Variants in PTPRM observed in about 807,000 individuals in gnomAD.
PTPRM encodes receptor-type tyrosine-protein phosphatase mu.
PTPRM carries 47 observed loss-of-function variants against 186.7 expected under a neutral mutation model. That is an observed-to-expected ratio of 0.25 (90% CI 0.20 to 0.32). PTPRM has a LOEUF of 0.32. Among genes scored for constraint, PTPRM ranks in the 10% least tolerant of loss-of-function variants. The pLI is 1.00. For missense variants in PTPRM, 1,494 were observed against 1,865.0 expected, an observed-to-expected ratio of 0.80 and a Z score of 3.66; for synonymous variants, 668 against 674.9, an observed-to-expected ratio of 0.99 and a Z score of 0.16.
At chr18:8,351,804 A>G (rs1598403913) in intron 23 of PTPRM, among the ~76,000 whole-genome samples, 2 of 152,312 alleles carry the variant, frequency 1.3e-5, no homozygotes, top group East Asian at 3.9e-4. Flanking sequence ...CCCCCAGCAC[A>G]TCAGCCAAGA....
chr18:8,069,109 CAAAAAAAAAAAA>C (rs71165767), intron 7 of PTPRM, among the ~76,000 whole-genome samples: 1 of 78,620 alleles, frequency 1.3e-5, no homozygotes. Context: ...GACTCCGTCT[CAAAAAAAAAAAA>C]AAAAAAAAAA....
intron 7 of PTPRM, among the ~76,000 whole-genome samples, chr18:8,001,858 A>G (rs996950231): frequency 1.3e-5 from 2 of 152,200 alleles, no homozygotes; most frequent in African/African-American, 4.8e-5. Flanking sequence ...TGAACACATC[A>G]TATTCTACCA....
intron 1 of PTPRM, among the ~76,000 whole-genome samples, chr18:7,679,375 C>T (rs1163184945): frequency 6.6e-6 from 1 of 152,064 alleles, no homozygotes; most frequent in Admixed American, 6.5e-5. Context: ...GATAATTGGG[C>T]ATACTGGGCT....
chr18:7,779,789 C>T (rs1762758895), intron 2 of PTPRM, among the ~76,000 whole-genome samples: 1 of 152,218 alleles, frequency 6.6e-6, no homozygotes, highest in South Asian at 2.1e-4. Context: ...TCTTTCAAAT[C>T]AGTCAACATT....
intron 13 of PTPRM, among the ~76,000 whole-genome samples, chr18:8,124,389 T>G (rs1018997933): frequency 6.6e-6 from 1 of 152,228 alleles, no homozygotes; most frequent in African/African-American, 2.4e-5. Context: ...TTTAAGGGAT[T>G]TATTCATGAG....
intron 2 of PTPRM, among the ~76,000 whole-genome samples, chr18:7,816,341 A>G (rs949411232): frequency 1.1e-4 from 16 of 152,222 alleles, no homozygotes; most frequent in Admixed American, 3.9e-4. Flanking sequence ...TCTCTTGCAT[A>G]TAACCTAGAA....
At chr18:7,782,047 A>T (rs1252000928) in intron 2 of PTPRM, among the ~76,000 whole-genome samples, 1 of 152,222 alleles carries the variant, frequency 6.6e-6, no homozygotes, top group Non-Finnish European at 1.5e-5. Flanking sequence ...AAAGCAAAAT[A>T]AATTGGACTG....
chr18:7,641,358 C>T (rs879867444), intron 1 of PTPRM, among the ~76,000 whole-genome samples: 4 of 151,988 alleles, frequency 2.6e-5, no homozygotes, highest in Non-Finnish European at 5.9e-5. Context: ...CAGAAATACC[C>T]ATAATATTAA....
At chr18:8,144,412 A>G (rs984652039) in intron 14 of PTPRM, among the ~76,000 whole-genome samples, 1 of 152,168 alleles carries the variant, frequency 6.6e-6, no homozygotes, top group Non-Finnish European at 1.5e-5. Context: ...ACTTTATCCC[A>G]GGAGTTCGAG....
chr18:7,666,133 C>T (rs544377524), intron 1 of PTPRM, among the ~76,000 whole-genome samples: 1 of 152,226 alleles, frequency 6.6e-6, no homozygotes, highest in African/African-American at 2.4e-5. Context: ...AGACTTGAGG[C>T]AAAGCTATTG....
intron 20 of PTPRM, among the ~76,000 whole-genome samples, chr18:8,297,787 C>T (rs149666566): frequency 1.0e-3 from 155 of 152,302 alleles, no homozygotes; most frequent in African/African-American, 3.6e-3. Flanking sequence ...GCTTTCCCTC[C>T]GGCCATCAAG....
At chr18:7,677,202 A>G (rs16952326) in intron 1 of PTPRM, among the ~76,000 whole-genome samples, 16,314 of 152,276 alleles carry the variant, frequency 0.11, 1,718 homozygotes, top group East Asian at 0.49. Context: ...GATGGTATAC[A>G]TATTTCTTAC....
chr18:8,305,482 T>A (rs1486318147), intron 20 of PTPRM, among the ~76,000 whole-genome samples: 1 of 152,202 alleles, frequency 6.6e-6, no homozygotes, highest in Non-Finnish European at 1.5e-5. Flanking sequence ...ATATAGGCAG[T>A]ATTGTTATTC....
intron 20 of PTPRM, among the ~76,000 whole-genome samples, chr18:8,305,765 A>G (rs2095214852): frequency 6.6e-6 from 1 of 152,204 alleles, no homozygotes; most frequent in Admixed American, 6.5e-5. Context: ...CTCTTCCCTG[A>G]AAGATTGGCT....
At chr18:8,037,266 T>G (rs997051668) in intron 7 of PTPRM, among the ~76,000 whole-genome samples, 1 of 152,216 alleles carries the variant, frequency 6.6e-6, no homozygotes, top group Non-Finnish European at 1.5e-5. Flanking sequence ...GCACATCTTT[T>G]TCTCATCCAC....
At chr18:8,372,325 C>A (rs547839504) in intron 24 of PTPRM, among the ~76,000 whole-genome samples, 9 of 144,090 alleles carry the variant, frequency 6.2e-5, no homozygotes, top group African/African-American at 2.4e-4. Context: ...CCACCCGCCT[C>A]GGCCTCCCAA....
intron 7 of PTPRM, among the ~76,000 whole-genome samples, chr18:8,006,890 T>G (rs868835234): frequency 1.3e-5 from 2 of 152,232 alleles, no homozygotes; most frequent in Admixed American, 6.5e-5. Flanking sequence ...TCTGAAGTCT[T>G]ATTTTAGGAA....
chr18:8,393,278 T>C (rs2095826575), intron 31 of PTPRM, among the ~76,000 whole-genome samples: 1 of 152,232 alleles, frequency 6.6e-6, no homozygotes, highest in African/African-American at 2.4e-5. Context: ...CACGGCCTTG[T>C]TTCCAGTCAT....
At chr18:8,141,535 C>A (rs1367144158) in intron 13 of PTPRM, among the ~76,000 whole-genome samples, 2 of 152,192 alleles carry the variant, frequency 1.3e-5, no homozygotes, top group African/African-American at 2.4e-5. Context: ...GCAGAATAGT[C>A]ATTCATCAGT....
Sources: allele counts gnomAD v4.1 joint callset (sites outside exome capture counted in the v4.1 genomes callset), GRCh38; gene constraint gnomAD v4.1.1; transcripts MANE v1.5; gene names NCBI Gene and HGNC (gene_info 2026-07-23, HGNC 2026-07-21).